PTPRT: variants seen among roughly 807,000 people sequenced by gnomAD.
The protein encoded by PTPRT is receptor-type tyrosine-protein phosphatase T.
PTPRT carries 56 observed loss-of-function variants against 176.8 expected under a neutral mutation model. The ratio of observed to expected loss-of-function variants is 0.32; its 90% CI spans 0.26 to 0.40. The LOEUF (loss-of-function observed/expected upper bound fraction) is 0.40, where lower values mean the gene tolerates loss of function less well. Ranked by LOEUF, PTPRT falls within the 10% of genes least tolerant of loss-of-function variation. PTPRT has a pLI of 1.00. For missense variants in PTPRT, 1,540 were observed against 1,908.2 expected, an observed-to-expected ratio of 0.81 and a Z score of 3.60; for synonymous variants, 783 against 739.0, an observed-to-expected ratio of 1.06 and a Z score of -0.96.
At chr20:42,942,826 A>C (rs894415132) in intron 1 of PTPRT, among the ~76,000 whole-genome samples, 1 of 152,212 alleles carries the variant, frequency 6.6e-6, no homozygotes, top group Non-Finnish European at 1.5e-5. Context: ...ATACATGTAG[A>C]ATATTTAGGT....
At chr20:43,001,035 C>G (rs539411867) in intron 1 of PTPRT, among the ~76,000 whole-genome samples, 63 of 152,080 alleles carry the variant, frequency 4.1e-4, no homozygotes, top group Non-Finnish European at 1.2e-4. Flanking sequence ...CCATGAAGAT[C>G]TGAGGAAGAA....
chr20:42,122,375 G>T (rs1048526723), intron 19 of PTPRT, among the ~76,000 whole-genome samples: 5 of 152,130 alleles, frequency 3.3e-5, no homozygotes, highest in Non-Finnish European at 7.4e-5. Flanking sequence ...AGGCCTCTCA[G>T]GGGACACTGG....
intron 1 of PTPRT, among the ~76,000 whole-genome samples, chr20:43,072,604 T>C (rs1305172030): frequency 6.6e-6 from 1 of 152,226 alleles, no homozygotes; most frequent in African/African-American, 2.4e-5. Context: ...GCTTGCAAAT[T>C]ACCCATGTAG....
At chr20:43,188,662 A>G (rs2015454982) in intron 1 of PTPRT, among the ~76,000 whole-genome samples, 1 of 150,290 alleles carries the variant, frequency 6.7e-6, no homozygotes, top group South Asian at 2.1e-4. Context: ...TTACACCAAA[A>G]GCAATCGGTG....
intron 16 of PTPRT, among the ~76,000 whole-genome samples, chr20:42,172,472 T>C (rs1016104666): frequency 6.6e-6 from 1 of 152,238 alleles, no homozygotes; most frequent in Admixed American, 6.5e-5. Context: ...AAGACTCTGA[T>C]GGACGTGGTC....
intron 7 of PTPRT, among the ~76,000 whole-genome samples, chr20:42,653,159 G>A (rs1007644063): frequency 1.3e-5 from 2 of 152,126 alleles, no homozygotes; most frequent in African/African-American, 4.8e-5. Flanking sequence ...TCTCATGGTA[G>A]TGAGTTCTCA....
rs1982765682 is a variant in PTPRT, at chr20:42,076,306, C to T, written c.*4573G>A. 4.9e-6 allele frequency: 1 copy of T among 202,794 alleles called. No homozygotes were observed. The highest frequency in any genetic ancestry group is 2.3e-5 in the African/African-American group (1 of 43,596). 12.6% of individuals were successfully genotyped at this position (202,794 alleles called of 1,614,324 possible). On this transcript the variant is annotated 3_prime_UTR_variant, in exon 31 of 31. Coordinates refer to ENST00000373187, the MANE Select transcript of PTPRT (RefSeq NM_007050.6). ...CATGAAGTGTGTCCTCAGACTTGCC[C>T]ACATTAGCAACCATGTGACTCCACT...
intron 7 of PTPRT, among the ~76,000 whole-genome samples, chr20:42,503,700 T>C (rs1251402684): frequency 6.6e-6 from 1 of 152,138 alleles, no homozygotes; most frequent in Non-Finnish European, 1.5e-5. Flanking sequence ...AATTGTGTCA[T>C]ATAAATCTTT....
At chr20:42,494,165 AT>A (rs2071608623) in intron 7 of PTPRT, among the ~76,000 whole-genome samples, 1 of 152,166 alleles carries the variant, frequency 6.6e-6, no homozygotes. Context: ...ATGGCTGTAT[AT>A]TATGGTTAGA....
chr20:42,202,872 C>CATA (rs1991507785), intron 15 of PTPRT, among the ~76,000 whole-genome samples: 1 of 151,998 alleles, frequency 6.6e-6, no homozygotes, highest in Admixed American at 6.6e-5. Flanking sequence ...TCAAAGGAAT[C>CATA]ATAATAATAA....
At chr20:43,105,128 G>A (rs748035134) in intron 1 of PTPRT, among the ~76,000 whole-genome samples, 3 of 152,100 alleles carry the variant, frequency 2.0e-5, no homozygotes, top group Non-Finnish European at 2.9e-5. Flanking sequence ...AAGGTCATGG[G>A]TAAAGAGCGT....
At chr20:42,440,755 G>C (rs2145831682) in intron 9 of PTPRT, among the ~76,000 whole-genome samples, 1 of 152,314 alleles carries the variant, frequency 6.6e-6, no homozygotes, top group East Asian at 1.9e-4. Flanking sequence ...GGGATTACAG[G>C]CGTGAGCCAC....
chr20:42,086,928 C>A (rs1984024933), intron 27 of PTPRT, among the ~76,000 whole-genome samples: 1 of 150,042 alleles, frequency 6.7e-6, no homozygotes, highest in Non-Finnish European at 1.5e-5. Context: ...GCCTATGATT[C>A]TTTCTATTTA....
intron 8 of PTPRT, among the ~76,000 whole-genome samples, chr20:42,459,736 C>T (rs989470561): frequency 6.6e-6 from 1 of 152,048 alleles, no homozygotes; most frequent in African/African-American, 2.4e-5. Flanking sequence ...TGTCACCCAG[C>T]CTGGAGTGCA....
At chr20:42,296,274 C>T (rs971354405) in intron 12 of PTPRT, among the ~76,000 whole-genome samples, 17 of 152,066 alleles carry the variant, frequency 1.1e-4, no homozygotes, top group Non-Finnish European at 1.5e-4. Flanking sequence ...AGTGAAACCC[C>T]GTCTTTACTA....
rs1481302864 is a variant in PTPRT, at chr20:43,146,685, C to T, written c.88+42961G>A. Among the ~76,000 whole-genome samples the T allele has an allele frequency of 2.0e-5, 3 of 152,102 alleles. 1 individual carries two copies. Among genetic ancestry groups the T allele is most frequent in the Non-Finnish European group, 4.4e-5 (3 of 68,022 alleles). ...AGCATGCCACTAGGGAAGCTGACAC[C>T]TCGGGTCCTCTCACTTGCATGGGCC... On this transcript the variant is annotated intron_variant, in intron 1 of 30. Coordinates refer to ENST00000373187, the MANE Select transcript of PTPRT (RefSeq NM_007050.6).
At chr20:42,762,864 CTT>C (rs949565947) in intron 5 of PTPRT, among the ~76,000 whole-genome samples, 1 of 152,228 alleles carries the variant, frequency 6.6e-6, no homozygotes, top group African/African-American at 2.4e-5. Flanking sequence ...TGAAATCTCT[CTT>C]TTTCTTTCCC....
intron 15 of PTPRT, 150 bp downstream of exon 15, chr20:42,236,079 C>A (rs371677157): frequency 1.6e-6 from 1 of 609,160 alleles, no homozygotes; most frequent in South Asian, 3.0e-5. Flanking sequence ...AAATGTAACA[C>A]ATTTATGCAA....
chr20:42,458,222 T>C (rs1169370382), intron 8 of PTPRT, among the ~76,000 whole-genome samples: 1 of 152,194 alleles, frequency 6.6e-6, no homozygotes, highest in Non-Finnish European at 1.5e-5. Context: ...TTTTTCTCTA[T>C]ATTTCTTTAG....
Sources: gnomAD v4.1 joint callset for allele counts (sites outside exome capture counted in the v4.1 genomes callset) on GRCh38, gnomAD v4.1.1 for gene constraint, MANE v1.5 for transcripts, NCBI Gene and HGNC (gene_info 2026-07-23, HGNC 2026-07-21) for gene names.